Variants in PADI6 observed in about 807,000 individuals in gnomAD.
The protein encoded by PADI6 is inactive protein-arginine deiminase type-6.
Under a neutral mutation model 78.2 loss-of-function variants are expected in PADI6, and 66 were observed. The observed-to-expected ratio is 0.84, with a 90% CI of 0.69 to 1.04. The LOEUF is 1.04. PADI6 is among the 50% of genes least tolerant of loss of function. PADI6 has a pLI of 0.00. For missense variants in PADI6, 854 were observed against 866.1 expected, an observed-to-expected ratio of 0.99 and a Z score of 0.18; for synonymous variants, 397 against 346.9, an observed-to-expected ratio of 1.14 and a Z score of -1.60.
chr1:17,376,864 T>TTTTTG (rs769607971), intron 3 of PADI6, among the ~76,000 whole-genome samples: 2,400 of 149,238 alleles, frequency 0.016, 70 homozygotes, highest in African/African-American at 0.054. Flanking sequence ...TTCTTTTGTG[T>TTTTTG]TTTTGTTTTG....
chr1:17,387,464 G>GT (rs1289470784), intron 6 of PADI6, among the ~76,000 whole-genome samples: 4 of 151,406 alleles, frequency 2.6e-5, no homozygotes, highest in Admixed American at 6.6e-5. Context: ...AAGGAGGGGG[G>GT]GGGGCCAGGC....
chr1:17,386,184 G>A (rs1316889179), intron 6 of PADI6, among the ~76,000 whole-genome samples: 1 of 152,178 alleles, frequency 6.6e-6, no homozygotes, highest in Non-Finnish European at 1.5e-5. Flanking sequence ...CCTCCCCCAT[G>A]CTTCTGTTTA....
At chr1:17,392,671 G>T (rs916333008) in intron 9 of PADI6, among the ~76,000 whole-genome samples, 4 of 152,222 alleles carry the variant, frequency 2.6e-5, no homozygotes, top group Admixed American at 2.6e-4. Flanking sequence ...AGATAAACTG[G>T]AACATATGCT....
chr1:17,373,465 G>A (rs11590561), intron 2 of PADI6, among the ~76,000 whole-genome samples: 28,514 of 151,900 alleles, frequency 0.19, 2,832 homozygotes, highest in Middle Eastern at 0.29. Flanking sequence ...CAACCAGCAG[G>A]ACTGGGATTT....
Position 17,372,239 on chromosome 1 carries a change from C to A in PADI6, c.-7C>A. The A allele has an allele frequency of 6.2e-7, 1 of 1,613,110 alleles. No homozygotes were observed. ...TGCTGAGTGAGGGCTGCGGTGCAGG[C>A]CTGAGGATGGTCAGCGTGGAGGGCC... On this transcript the variant is annotated 5_prime_UTR_variant, in exon 1 of 16. Coordinates refer to ENST00000619609, the MANE Select transcript of PADI6 (RefSeq NM_207421.4).
At chr1:17,393,653 G>A (rs1306336145) in intron 9 of PADI6, among the ~76,000 whole-genome samples, 1 of 152,022 alleles carries the variant, frequency 6.6e-6, no homozygotes, top group African/African-American at 2.4e-5. Flanking sequence ...TTTTGGTTTT[G>A]TTTTAAGTAG....
chr1:17,389,619 C>T (rs2075161990), intron 8 of PADI6, among the ~76,000 whole-genome samples: 2 of 152,198 alleles, frequency 1.3e-5, no homozygotes, highest in Non-Finnish European at 2.9e-5. Context: ...CGTCCGGCTT[C>T]AGGGAATCCA....
intron 6 of PADI6, among the ~76,000 whole-genome samples, chr1:17,382,633 G>A (rs1294073183): frequency 6.6e-6 from 1 of 152,130 alleles, no homozygotes; most frequent in African/African-American, 2.4e-5. Flanking sequence ...TGGAGGGCTG[G>A]TTAGGAGGTA....
chr1:17,372,237 G>A lies in PADI6; in HGVS notation c.-9G>A, dbSNP rs781166778. The A allele has an allele frequency of 3.1e-6, 5 of 1,613,178 alleles. No homozygotes were observed. The highest frequency in any genetic ancestry group is 4.2e-6 in the Non-Finnish European group (5 of 1,179,136). ...TGTGCTGAGTGAGGGCTGCGGTGCA[G>A]GCCTGAGGATGGTCAGCGTGGAGGG... On this transcript the variant is annotated 5_prime_UTR_variant, in exon 1 of 16. Coordinates refer to ENST00000619609, the MANE Select transcript of PADI6 (RefSeq NM_207421.4).
rs749241013 is a variant in PADI6, at chr1:17,398,825, C to T, written c.1829C>T (p.Ala610Val). 6.2e-6 allele frequency: 10 copies of T among 1,613,328 alleles called. No individual in the cohort carries two copies. The highest frequency in any genetic ancestry group is 2.2e-5 in the East Asian group (1 of 44,816). The part of the protein sequence containing the change: ...PSDQQPKRSF[A>V]RPYFPDLLRM... The stretch of plus-strand genomic sequence containing the variant: ...GACCAGCAGCCCAAGAGGTCCTTTG[C>T]GAGGCCATACTTCCCTGACCTGGTG... Residue 610 changes from alanine (A) to valine (V), a missense_variant, in exon 15 of 16, where the codon GCG becomes GTG. Transcript: ENST00000619609.
intron 1 of PADI6, among the ~76,000 whole-genome samples, 156 bp from the exon 2 acceptor site, chr1:17,372,900 G>A (rs139493144): frequency 2.6e-5 from 4 of 152,142 alleles, no homozygotes; most frequent in African/African-American, 7.2e-5. Context: ...GGGGTCCTTT[G>A]GGAGGGGGTG....
chr1:17,390,242 A>G (rs1173391514), intron 8 of PADI6, among the ~76,000 whole-genome samples: 1 of 152,138 alleles, frequency 6.6e-6, no homozygotes, highest in Non-Finnish European at 1.5e-5. Flanking sequence ...CAGAGGTTGC[A>G]GTGAGCTGAA....
intron 1 of PADI6, 72 bp downstream of exon 1, chr1:17,372,433 T>C: frequency 7.1e-7 from 1 of 1,405,234 alleles, no homozygotes; most frequent in Non-Finnish European, 1.0e-6. Flanking sequence ...GTCCCCTTGA[T>C]CTGGGAGTTG....
Position 17,394,451 on chromosome 1 carries a change from C to T in PADI6, c.1334C>T (p.Pro445Leu). 1 of 1,612,290 alleles carries T rather than the reference C, an allele frequency of 6.2e-7. No homozygotes were observed. Among genetic ancestry groups the T allele is most frequent in the Non-Finnish European group, 8.5e-7 (1 of 1,178,912 alleles). Residue 445 changes from proline (P) to leucine (L), a missense_variant, in exon 11 of 16, where the codon CCC (proline) becomes CTC (leucine). Coordinates refer to ENST00000619609, the MANE Select transcript of PADI6 (RefSeq NM_207421.4). Reference protein sequence around the residue: ...GRVLIGSSFYPSAEGRAMSKT... With the variant: ...GRVLIGSSFYLSAEGRAMSKT... ...GTCCTCATTGGCAGCAGCTTTTACC[C>T]CAGGTGAGCCACAAAGCCAGACGCC...
chr1:17,388,293 T>C lies in PADI6; in HGVS notation c.680-88T>C. On this transcript the variant is annotated intron_variant, in intron 6 of 15. Transcript: ENST00000619609. ...CTGGAACTCACAGCCTTGCATCTGA[T>C]ATGAGGAATGAGCTGGTACCTTGAC... 7 of 1,240,632 alleles carry C rather than the reference T, an allele frequency of 5.6e-6. No individual in the cohort carries two copies. In the South Asian group the frequency reaches 1.1e-4, roughly 19 times the overall value. The allele number at this position is 1,240,632 out of a possible 1,614,324, so 76.9% of individuals were successfully genotyped here.
intron 11 of PADI6, 27 bp from the exon 12 acceptor site, chr1:17,394,924 G>A (rs755132329): frequency 1.3e-6 from 2 of 1,576,634 alleles, no homozygotes; most frequent in South Asian, 1.2e-5. Flanking sequence ...ACTGGCTCAA[G>A]AGCTGTTCTT....
At chr1:17,386,541 G>A (rs575088367) in intron 6 of PADI6, among the ~76,000 whole-genome samples, 1 of 152,372 alleles carries the variant, frequency 6.6e-6, no homozygotes, top group East Asian at 1.9e-4. Flanking sequence ...CGCAGGTCAA[G>A]AGGGCTGTGT....
At chr1:17,391,831 G>A (rs1041044012) in intron 8 of PADI6, among the ~76,000 whole-genome samples, 2 of 152,176 alleles carry the variant, frequency 1.3e-5, no homozygotes, top group East Asian at 1.9e-4. Context: ...GAATGTGACC[G>A]AAGGGTATAA....
intron 2 of PADI6, 30 bp from the exon 3 acceptor site, chr1:17,375,397 G>C (rs1260258494): frequency 1.9e-6 from 3 of 1,595,132 alleles, no homozygotes; most frequent in Non-Finnish European, 2.6e-6. Context: ...GTCCAACACT[G>C]CCTATGGTTT....
Sources: allele counts gnomAD v4.1 joint callset (sites outside exome capture counted in the v4.1 genomes callset), GRCh38; gene constraint gnomAD v4.1.1; transcripts MANE v1.5; gene names NCBI Gene and HGNC (gene_info 2026-07-23, HGNC 2026-07-21).